Variants in TTC7A observed in about 807,000 individuals in gnomAD.
TTC7A encodes tetratricopeptide repeat domain 7A.
In TTC7A, 110 loss-of-function variants were observed where a neutral mutation model predicts 103.7. The ratio of observed to expected loss-of-function variants is 1.06; its 90% CI spans 0.91 to 1.24. TTC7A has a LOEUF of 1.24. TTC7A is among the 50% of genes most tolerant of loss of function. The pLI is 0.00. For missense variants in TTC7A, 1,340 were observed against 1,116.3 expected (o/e 1.20, Z -2.86); for synonymous variants, 521 against 467.9 (o/e 1.11, Z -1.47).
At chr2:47,035,031 T>C (rs1680957286) in intron 15 of TTC7A, among the ~76,000 whole-genome samples, 1 of 152,222 alleles carries the variant, frequency 6.6e-6, no homozygotes, top group South Asian at 2.1e-4. Flanking sequence ...CAGCTAAGGC[T>C]AACGTTGGAG....
intron 18 of TTC7A, among the ~76,000 whole-genome samples, chr2:47,057,057 G>A (rs541951018): frequency 1.8e-4 from 28 of 152,360 alleles, no homozygotes; most frequent in Admixed American, 2.6e-4. Flanking sequence ...GATCAGGGCC[G>A]TGGGTGGATG....
chr2:46,916,218 G>T (rs1668782012), exon 1 of TTC7A: 1 of 952,342 alleles, frequency 1.1e-6, no homozygotes, highest in Admixed American at 6.2e-5. Flanking sequence ...TGGGAAGAAA[G>T]ATAATAGGAA....
intron 18 of TTC7A, among the ~76,000 whole-genome samples, chr2:47,057,905 T>A (rs1189093140): frequency 6.6e-6 from 1 of 152,194 alleles, no homozygotes; most frequent in Non-Finnish European, 1.5e-5. Flanking sequence ...TCCACTGTCC[T>A]GGTCTCTGAA....
At position 47,024,283 on chromosome 2, in the gene TTC7A, A is replaced by G. The variant is rs981435309; in HGVS notation, c.1569-4A>G. On this transcript the variant is annotated splice_region_variant and splice_polypyrimidine_tract_variant and intron_variant, in intron 13 of 19. Coordinates refer to ENST00000319190, the MANE Select transcript of TTC7A (RefSeq NM_020458.4). ...CTGACTTGTCACTCCCTCTCCCCAC[A>G]CAGGGCTCAGCAGCTGGCGCCCAGT... is the stretch of plus-strand genomic sequence containing the variant. The G allele has an allele frequency of 1.8e-5, 28 of 1,596,856 alleles. No individual in the cohort carries two copies. Among genetic ancestry groups the G allele is most frequent in the Non-Finnish European group, 2.4e-5 (28 of 1,171,344 alleles).
At chr2:47,067,247 ACT>A (rs1227362834) in intron 19 of TTC7A, among the ~76,000 whole-genome samples, 3 of 152,146 alleles carry the variant, frequency 2.0e-5, no homozygotes, top group Non-Finnish European at 4.4e-5. Flanking sequence ...GATAATCTAG[ACT>A]CTCTTGTGAC....
intron 10 of TTC7A, among the ~76,000 whole-genome samples, chr2:47,009,640 G>A (rs1329655519): frequency 6.6e-6 from 1 of 152,134 alleles, no homozygotes; most frequent in Non-Finnish European, 1.5e-5. Flanking sequence ...CTCATACCCT[G>A]CTGTAGACAG....
chr2:47,032,185 A>C (rs1417943456), intron 15 of TTC7A, among the ~76,000 whole-genome samples: 1 of 152,196 alleles, frequency 6.6e-6, no homozygotes, highest in Non-Finnish European at 1.5e-5. Context: ...CCAAGGGTGG[A>C]CATCTGGGTC....
At chr2:46,917,359 C>T in intron 2 of TTC7A, 2 of 596,422 alleles carry the variant, frequency 3.4e-6, no homozygotes, top group Non-Finnish European at 5.9e-6. Context: ...TTTCCTTACT[C>T]TGAACTTTGG....
In TTC7A at chr2:46,987,218, C is replaced by G. The variant is rs527554463; in HGVS notation, c.765-6232C>G. On this transcript the variant is annotated intron_variant, in intron 5 of 19. Transcript: ENST00000319190. ...CGTGGACTCTGGTTGGAGCCTCGCC[C>G]CAGGCAGTTCGGCCACCTGGTTGCC... Among the ~76,000 whole-genome samples the G allele has an allele frequency of 1.8e-4, 27 of 152,296 alleles. No individual in the cohort carries two copies. In the East Asian group the frequency reaches 4.2e-3, roughly 24 times the overall value.
rs1414320423 is a variant in TTC7A at position 47,076,080 on chromosome 2, C to T, written c.*2157C>T. On this transcript the variant is annotated 3_prime_UTR_variant, in exon 20 of 20. Transcript: ENST00000319190. ...CCTAATAAGTTATGCCACATACCAA[C>T]GTACTGTGGATATTATAACCTGCAT... is the stretch of plus-strand genomic sequence containing the variant. 1 of 152,234 alleles carries T rather than the reference C, an allele frequency of 6.6e-6. No individual in the cohort carries two copies. Among genetic ancestry groups the T allele is most frequent in the Admixed American group, 6.5e-5 (1 of 15,292 alleles). The allele number at this position is 152,234 out of a possible 1,614,324, so 9.4% of individuals were successfully genotyped here. A position where few individuals can be genotyped will look rare whatever the true frequency, so the allele number is the denominator to read the frequency against.
intron 8 of TTC7A, among the ~76,000 whole-genome samples, chr2:47,004,474 G>C (rs2104445505): frequency 6.6e-6 from 1 of 152,322 alleles, no homozygotes; most frequent in Non-Finnish European, 1.5e-5. Flanking sequence ...TGCATAGGAG[G>C]GATGGGGTAG....
chr2:47,049,206 A>G (rs1479228669), intron 16 of TTC7A, among the ~76,000 whole-genome samples: 1 of 152,050 alleles, frequency 6.6e-6, no homozygotes, highest in African/African-American at 2.4e-5. Flanking sequence ...TCCCCAGTCA[A>G]CAGGGTCAAA....
At chr2:46,941,024 A>C (rs1246309896), upstream of TTC7A, 1 of 150,352 alleles carries the variant, frequency 6.7e-6, no homozygotes, top group African/African-American at 2.5e-5. This position sits in a 1 kb window ranked among gnomAD's most constrained non-coding sequence, Gnocchi z 4.2. Flanking sequence ...GATTAAAGTG[A>C]GCTCCGACTC....
intron 18 of TTC7A, among the ~76,000 whole-genome samples, chr2:47,057,729 A>G (rs562366273): frequency 7.9e-4 from 120 of 152,300 alleles, no homozygotes; most frequent in African/African-American, 2.7e-3. Context: ...ATTCTGCCAC[A>G]GTGGAGCCCA....
intron 10 of TTC7A, among the ~76,000 whole-genome samples, chr2:47,010,576 G>C (rs1677936770): frequency 6.7e-6 from 1 of 150,162 alleles, no homozygotes; most frequent in Non-Finnish European, 1.5e-5. Flanking sequence ...GGGATCCTCA[G>C]ATTACTGTCT....
intron 14 of TTC7A, among the ~76,000 whole-genome samples, chr2:47,026,294 C>G (rs1296643420): frequency 1.3e-5 from 2 of 152,226 alleles, no homozygotes; most frequent in South Asian, 2.1e-4. Context: ...CTAGCAGAGT[C>G]ACCAGCACAG....
chr2:46,946,719 G>A (rs1003992028), intron 1 of TTC7A, among the ~76,000 whole-genome samples: 1 of 152,208 alleles, frequency 6.6e-6, no homozygotes, highest in African/African-American at 2.4e-5. Context: ...ACCACAGCAG[G>A]CCTGAATTCT....
chr2:46,947,929 C>T (rs954799055), intron 1 of TTC7A, among the ~76,000 whole-genome samples: 1 of 152,162 alleles, frequency 6.6e-6, no homozygotes, highest in Non-Finnish European at 1.5e-5. Context: ...TGGAGAGACC[C>T]GCAGGCCATG....
At chr2:47,028,099 A>G (rs1019398268) in intron 14 of TTC7A, among the ~76,000 whole-genome samples, 2 of 151,612 alleles carry the variant, frequency 1.3e-5, no homozygotes, top group Non-Finnish European at 2.9e-5. Context: ...CATCCAGGGG[A>G]CTCTTGGGAC....
Sources: gnomAD v4.1 joint callset for allele counts (sites outside exome capture counted in the v4.1 genomes callset) on GRCh38, gnomAD v4.1.1 for gene constraint, Gnocchi (gnomAD v3.1) non-coding constraint, MANE v1.5 for transcripts, NCBI Gene and HGNC (gene_info 2026-07-23, HGNC 2026-07-21) for gene names.